The following NRXN3 variants were observed in gnomAD, a reference collection of about 807,000 sequenced individuals.
NRXN3 encodes the protein neurexin 3.
A neutral mutation model predicts 137.6 loss-of-function variants in NRXN3; 32 were observed. The observed-to-expected ratio is 0.23, with a 90% CI of 0.18 to 0.31. NRXN3 has a LOEUF of 0.31. Ranked by LOEUF, NRXN3 falls within the 10% of genes least tolerant of loss-of-function variation. NRXN3 has a pLI of 1.00. For missense variants in NRXN3, 1,574 were observed against 2,062.5 expected (o/e 0.76, Z 4.59); for synonymous variants, 798 against 784.5 (o/e 1.02, Z -0.29).
chr14:78,414,644 C>T (rs2093028057), intron 4 of NRXN3, among the ~76,000 whole-genome samples: 1 of 152,118 alleles, frequency 6.6e-6, no homozygotes, highest in East Asian at 1.9e-4. Context: ...CATGACCCTG[C>T]AAGATGGGAA....
intron 6 of NRXN3, among the ~76,000 whole-genome samples, chr14:78,686,257 C>T (rs146865856): frequency 1.5e-3 from 232 of 152,242 alleles, no homozygotes; most frequent in African/African-American, 5.4e-3. Flanking sequence ...ATGAGTGGAT[C>T]GATAAATGAA....
chr14:78,576,982 T>C (rs2096942442), intron 4 of NRXN3, among the ~76,000 whole-genome samples: 1 of 152,256 alleles, frequency 6.6e-6, no homozygotes. Flanking sequence ...TGGGCTGTTT[T>C]GATTTGTATC....
chr14:79,350,609 G>C (rs749990879), intron 15 of NRXN3, among the ~76,000 whole-genome samples: 1 of 152,098 alleles, frequency 6.6e-6, no homozygotes, highest in African/African-American at 2.4e-5. Flanking sequence ...GAAAGGGTGT[G>C]TGTTTTGTTT....
chr14:78,710,948 C>T lies in NRXN3; in HGVS notation c.1660+1293C>T, dbSNP rs978561044. On this transcript the variant is annotated intron_variant, in intron 7 of 20. Coordinates refer to ENST00000335750, the MANE Select transcript of NRXN3 (RefSeq NM_001330195.2). Reference sequence around the variant, plus strand: ...GTTAAGCAAGAATGAATAGTGTCTACCCTTTTACACAGAAAAACACCCAAA... The same window carrying T: ...GTTAAGCAAGAATGAATAGTGTCTATCCTTTTACACAGAAAAACACCCAAA... 7.2e-5 allele frequency among the ~76,000 whole-genome samples: 11 copies of T among 152,302 alleles called. No homozygotes were observed. In the South Asian group the frequency reaches 2.3e-3, roughly 32 times the overall value.
intron 15 of NRXN3, among the ~76,000 whole-genome samples, chr14:79,359,026 G>A (rs1375857539): frequency 1.3e-5 from 2 of 152,090 alleles, no homozygotes; most frequent in Non-Finnish European, 2.9e-5. Flanking sequence ...CTTGATTTGT[G>A]GCCTCAAGTT....
At chr14:79,314,531 AGCCGG>A in intron 15 of NRXN3, among the ~76,000 whole-genome samples, 1 of 40,276 alleles carries the variant, frequency 2.5e-5, no homozygotes, top group Non-Finnish European at 4.6e-5. Flanking sequence ...TAAACAAAGC[AGCCGG>A]GAAGCTCGAA....
At chr14:79,718,542 C>A (rs547425486) in intron 19 of NRXN3, among the ~76,000 whole-genome samples, 2 of 152,264 alleles carry the variant, frequency 1.3e-5, no homozygotes, top group Non-Finnish European at 1.5e-5. Context: ...GGCAGAGAGA[C>A]CTAATACATG....
intron 8 of NRXN3, among the ~76,000 whole-genome samples, chr14:78,777,425 G>C (rs186174581): frequency 6.6e-6 from 1 of 152,070 alleles, no homozygotes; most frequent in Non-Finnish European, 1.5e-5. Flanking sequence ...CATGTGGTGG[G>C]TCCATCTTGA....
chr14:79,321,521 C>T (rs2090013903), intron 15 of NRXN3, among the ~76,000 whole-genome samples: 3 of 151,984 alleles, frequency 2.0e-5, no homozygotes, highest in Admixed American at 2.0e-4. Flanking sequence ...CATTATAGTA[C>T]TAAGAATGCT....
intron 15 of NRXN3, among the ~76,000 whole-genome samples, chr14:79,282,905 G>A (rs2081520343): frequency 6.6e-6 from 1 of 152,126 alleles, no homozygotes; most frequent in Non-Finnish European, 1.5e-5. Flanking sequence ...TGGTGTTTTT[G>A]AGCATAAAAT....
At chr14:79,736,407 G>A (rs1459649838) in intron 19 of NRXN3, among the ~76,000 whole-genome samples, 1 of 152,182 alleles carries the variant, frequency 6.6e-6, no homozygotes, top group Non-Finnish European at 1.5e-5. Flanking sequence ...TAGGCTTGTA[G>A]AAATGGACAA....
At chr14:79,479,325 T>A (rs2096586554) in intron 16 of NRXN3, among the ~76,000 whole-genome samples, 1 of 152,052 alleles carries the variant, frequency 6.6e-6, no homozygotes, top group Non-Finnish European at 1.5e-5. Flanking sequence ...ATCAGCCCAT[T>A]TGGTCCTGAC....
intron 4 of NRXN3, among the ~76,000 whole-genome samples, chr14:78,390,599 C>G (rs2090618577): frequency 6.6e-6 from 1 of 152,150 alleles, no homozygotes; most frequent in Non-Finnish European, 1.5e-5. Context: ...TTGGCCTTCC[C>G]ATTATTTATA....
chr14:78,488,453 C>T (rs2095604602), intron 4 of NRXN3, among the ~76,000 whole-genome samples: 2 of 152,006 alleles, frequency 1.3e-5, no homozygotes, highest in African/African-American at 2.4e-5. Flanking sequence ...TAGGTATAGT[C>T]GTAACATCCT....
intron 2 of NRXN3, chr14:78,250,073 G>A (rs775019477): frequency 1.5e-5 from 8 of 516,200 alleles, no homozygotes; most frequent in African/African-American, 3.9e-5. Context: ...CTTGACATGC[G>A]ATTATGATTC....
intron 15 of NRXN3, among the ~76,000 whole-genome samples, chr14:79,439,709 C>G (rs1762057585): frequency 6.6e-6 from 1 of 152,176 alleles, no homozygotes; most frequent in Admixed American, 6.5e-5. Flanking sequence ...TTCTGTCAAG[C>G]CATGTTAAAA....
intron 19 of NRXN3, among the ~76,000 whole-genome samples, chr14:79,761,400 A>G (rs1330322597): frequency 1.3e-5 from 2 of 151,624 alleles, no homozygotes; most frequent in African/African-American, 4.9e-5. Flanking sequence ...TTTTCCAAAC[A>G]TCTGTTATAC....
At chr14:79,854,540 T>C (rs1046288840) in intron 20 of NRXN3, among the ~76,000 whole-genome samples, 1 of 152,188 alleles carries the variant, frequency 6.6e-6, no homozygotes, top group African/African-American at 2.4e-5. Flanking sequence ...CTACTCTCAG[T>C]AGAAGGGGGT....
chr14:78,913,781 G>C (rs1473885149), intron 10 of NRXN3, among the ~76,000 whole-genome samples: 3 of 152,036 alleles, frequency 2.0e-5, no homozygotes, highest in Non-Finnish European at 4.4e-5. Flanking sequence ...ATGAAATCTG[G>C]ACTGCTTTGT....
Sources: gnomAD v4.1 joint callset for allele counts (sites outside exome capture counted in the v4.1 genomes callset) on GRCh38, gnomAD v4.1.1 for gene constraint, MANE v1.5 for transcripts, NCBI Gene and HGNC (gene_info 2026-07-23, HGNC 2026-07-21) for gene names.